ITGA11: variants seen among roughly 807,000 people sequenced by gnomAD.
The protein encoded by ITGA11 is integrin alpha-11.
ITGA11 carries 97 observed loss-of-function variants against 141.9 expected under a neutral mutation model. The observed-to-expected ratio is 0.68, with a 90% CI of 0.58 to 0.81. ITGA11 has a LOEUF of 0.81. ITGA11 is among the 30% of genes least tolerant of loss of function. The pLI, the probability that ITGA11 is intolerant of heterozygous loss-of-function variation, is 0.00. For synonymous variants in ITGA11, 658 were observed against 624.6 expected, an observed-to-expected ratio of 1.05 and a Z score of -0.80; for missense variants, 1,387 against 1,559.2, an observed-to-expected ratio of 0.89 and a Z score of 1.86.
intron 18 of ITGA11, among the ~76,000 whole-genome samples, chr15:68,323,205 C>A (rs867227508): frequency 6.6e-6 from 1 of 152,142 alleles, no homozygotes; most frequent in African/African-American, 2.4e-5. Context: ...TGGTAGCCAG[C>A]GAAGCCATAT....
At position 68,359,673 on chromosome 15, in the gene ITGA11, TA is replaced by T. The variant is rs372433290; in HGVS notation, c.473-1089del. Among the ~76,000 whole-genome samples the T allele has an allele frequency of 5.8e-4, 69 of 119,398 alleles. 1 individual carries two copies. The highest frequency in any genetic ancestry group is 6.7e-4 in the African/African-American group (16 of 23,722). The allele number at this position is 119,398 out of a possible 152,430, so 78.3% of individuals were successfully genotyped here. Reference sequence around the variant, plus strand: ...AAACAAACAAAACAAAACAAACAAATAAAAAAAAAACTAAATTAAAAGGAAT... The same window carrying T: ...AAACAAACAAAACAAAACAAACAAATAAAAAAAAACTAAATTAAAAGGAAT... On this transcript the variant is annotated intron_variant, in intron 5 of 29. Coordinates refer to ENST00000315757, the MANE Select transcript of ITGA11 (RefSeq NM_001004439.2).
rs926546872 is a variant in ITGA11, at chr15:68,296,864, T to G, written c.*6195A>C. 7 of 152,098 alleles carry G rather than the reference T, an allele frequency of 4.6e-5. No homozygotes were observed. The highest frequency in any genetic ancestry group is 1.7e-4 in the African/African-American group (7 of 41,424). The allele number at this position is 152,098 out of a possible 1,614,324, so 9.4% of individuals were successfully genotyped here. A position where few individuals can be genotyped will look rare whatever the true frequency, so the allele number is the denominator to read the frequency against. On this transcript the variant is annotated 3_prime_UTR_variant, in exon 30 of 30. Transcript: ENST00000315757. ...CCATGATCTATTTGAAAAAGACACT[T>G]TTATGGCTTCCCTTCCCTTCTTTCT...
chr15:68,316,103 C>T (rs1239107422), intron 21 of ITGA11, among the ~76,000 whole-genome samples: 2 of 152,210 alleles, frequency 1.3e-5, no homozygotes, highest in Non-Finnish European at 2.9e-5. Context: ...GGGCCGATGG[C>T]CATCGCCATG....
At chr15:68,429,262 G>A (rs1379398166) in intron 1 of ITGA11, among the ~76,000 whole-genome samples, 1 of 152,222 alleles carries the variant, frequency 6.6e-6, no homozygotes. Context: ...CTAACCGGCA[G>A]GGGCTAGGCC....
At chr15:68,389,789 GCTTCT>G (rs1042889762) in intron 2 of ITGA11, among the ~76,000 whole-genome samples, 31 of 152,282 alleles carry the variant, frequency 2.0e-4, no homozygotes, top group African/African-American at 7.5e-4. Flanking sequence ...GAGAGCTGAG[GCTTCT>G]CTTCTCTCCT....
chr15:68,368,228 G>C (rs1265019646), intron 3 of ITGA11, among the ~76,000 whole-genome samples: 1 of 152,214 alleles, frequency 6.6e-6, no homozygotes, highest in African/African-American at 2.4e-5. Flanking sequence ...GCTCTGGGGT[G>C]GAGACCCCGC....
In ITGA11 at chr15:68,357,146, T is replaced by C. The variant is rs2140341296; in HGVS notation, c.749+5A>G. 1.2e-6 allele frequency: 2 copies of C among 1,605,000 alleles called. No homozygotes were observed. Among genetic ancestry groups the C allele is most frequent in the Non-Finnish European group, 1.7e-6 (2 of 1,177,624 alleles). On this transcript the variant is annotated splice_donor_5th_base_variant and intron_variant, in intron 7 of 29. Transcript: ENST00000315757. Reference sequence around the variant, plus strand: ...AAAATTTTTTTTGTTCTACTTTTTTTTTACCGTGCAAATTCAATGCCAAAT... The same window carrying C: ...AAAATTTTTTTTGTTCTACTTTTTTCTTACCGTGCAAATTCAATGCCAAAT...
chr15:68,332,165 T>TCTCA, intron 13 of ITGA11, 103 bp from the exon 14 acceptor site: 1 of 1,248,764 alleles, frequency 8.0e-7, no homozygotes, highest in Admixed American at 2.0e-5. Flanking sequence ...ACCACTCCAT[T>TCTCA]CCCCAGAACC....
In ITGA11 at chr15:68,325,400, G is replaced by A. The variant is rs749229483; in HGVS notation, c.2212-159C>T. Among the ~76,000 whole-genome samples the A allele has an allele frequency of 1.3e-5, 2 of 151,758 alleles. No homozygotes were observed. The highest frequency in any genetic ancestry group is 3.0e-5 in the Non-Finnish European group (2 of 67,764). On this transcript the variant is annotated intron_variant, in intron 17 of 29. Coordinates refer to ENST00000315757, the MANE Select transcript of ITGA11 (RefSeq NM_001004439.2). The surrounding 1 kb of genome is among the most constrained non-coding windows in gnomAD (Gnocchi z 5.5). ...CTGCAGGTGGATGGAGGTTTCTAGC[G>A]GGTCTGTTGGTGGGAAGAGTGTGCT... is the stretch of plus-strand genomic sequence containing the variant.
At chr15:68,373,228 A>G (rs963044535) in intron 2 of ITGA11, among the ~76,000 whole-genome samples, 1 of 152,002 alleles carries the variant, frequency 6.6e-6, no homozygotes, top group South Asian at 2.1e-4. Flanking sequence ...GGTGTGGCCA[A>G]TGTTGTAGTG....
At chr15:68,320,414 A>G (rs768623818) in intron 19 of ITGA11, 22 bp from the exon 20 acceptor site, 11 of 1,555,450 alleles carry the variant, frequency 7.1e-6, no homozygotes, top group Non-Finnish European at 9.6e-6. Flanking sequence ...AGACCACCAG[A>G]GACTGGGCAG....
At chr15:68,382,624 C>T (rs1895890905) in intron 2 of ITGA11, among the ~76,000 whole-genome samples, 1 of 152,232 alleles carries the variant, frequency 6.6e-6, no homozygotes, top group Admixed American at 6.5e-5. Flanking sequence ...GCAAGCCCTA[C>T]CCTTGGGGGT....
chr15:68,363,929 G>T (rs992512064), intron 4 of ITGA11, among the ~76,000 whole-genome samples: 1 of 152,148 alleles, frequency 6.6e-6, no homozygotes, highest in Admixed American at 6.5e-5. Flanking sequence ...AGTCCTATTA[G>T]ACATTACTCG....
At chr15:68,410,835 G>C (rs973276030) in intron 1 of ITGA11, among the ~76,000 whole-genome samples, 6 of 152,232 alleles carry the variant, frequency 3.9e-5, no homozygotes, top group African/African-American at 1.4e-4. Flanking sequence ...CATCAGAGAA[G>C]CTTCTAGCTA....
At chr15:68,327,385 C>T (rs1894014105) in intron 16 of ITGA11, among the ~76,000 whole-genome samples, 1 of 152,254 alleles carries the variant, frequency 6.6e-6, no homozygotes, top group African/African-American at 2.4e-5. Flanking sequence ...GCTGCTGGCT[C>T]TCATATCTGT....
intron 2 of ITGA11, among the ~76,000 whole-genome samples, chr15:68,385,247 T>G (rs1296570883): frequency 6.6e-6 from 1 of 152,226 alleles, no homozygotes. Flanking sequence ...AGATTCTCCC[T>G]GTAGTGAGGA....
Position 68,325,106 on chromosome 15 carries a change from G to A in ITGA11, c.2322+25C>T, listed in dbSNP as rs766664828. 2.6e-6 allele frequency: 4 copies of A among 1,560,062 alleles called. No individual in the cohort carries two copies. Among genetic ancestry groups the A allele is most frequent in the South Asian group, 1.1e-5 (1 of 90,008 alleles). On this transcript the variant is annotated intron_variant, in intron 18 of 29. Coordinates refer to ENST00000315757, the MANE Select transcript of ITGA11 (RefSeq NM_001004439.2). This position sits in a 1 kb window ranked among gnomAD's most constrained non-coding sequence, Gnocchi z 5.5. ...GGTGGGGGTGGGGTTCATGCCCGAG[G>A]TGCGTGCCCTGTACCGAGATGTACC... is the stretch of plus-strand genomic sequence containing the variant.
At chr15:68,364,683 CA>C in intron 4 of ITGA11, 23 bp downstream of exon 4, 1 of 1,584,534 alleles carries the variant, frequency 6.3e-7, no homozygotes, top group Non-Finnish European at 8.7e-7. Flanking sequence ...CTCCTGACCC[CA>C]AGCAGTGGCA....
In ITGA11 at chr15:68,406,729, A is replaced by G. The variant is rs116109110; in HGVS notation, c.53-3700T>C. On this transcript the variant is annotated intron_variant, in intron 1 of 29. Transcript: ENST00000315757. Reference sequence around the variant, plus strand: ...TTGAATGGAGGTCCAGCTCGTAGATACTGGTTGACTGAACAGTTAGAGACC... The same window carrying G: ...TTGAATGGAGGTCCAGCTCGTAGATGCTGGTTGACTGAACAGTTAGAGACC... Among the ~76,000 whole-genome samples, 781 of 152,298 alleles carry G rather than the reference A, an allele frequency of 5.1e-3. 3 individuals are homozygous for G. Among genetic ancestry groups the G allele is most frequent in the African/African-American group, 0.018 (743 of 41,550 alleles).
Sources: gnomAD v4.1 joint callset for allele counts (sites outside exome capture counted in the v4.1 genomes callset) on GRCh38, gnomAD v4.1.1 for gene constraint, Gnocchi (gnomAD v3.1) non-coding constraint, MANE v1.5 for transcripts, NCBI Gene and HGNC (gene_info 2026-07-23, HGNC 2026-07-21) for gene names.